The following FBXL7 variants were observed in gnomAD, a reference collection of about 807,000 sequenced individuals.
FBXL7 encodes F-box and leucine rich repeat protein 7, also known as F-box/LRR-repeat protein 7.
FBXL7 carries 12 observed loss-of-function variants against 38.3 expected under a neutral mutation model. The ratio of observed to expected loss-of-function variants is 0.31; its 90% CI spans 0.20 to 0.51. The LOEUF is 0.51. FBXL7 is among the 20% of genes least tolerant of loss of function. The pLI, the probability that FBXL7 is intolerant of heterozygous loss-of-function variation, is 0.98. For synonymous variants in FBXL7, 297 were observed against 300.9 expected, an observed-to-expected ratio of 0.99 and a Z score of 0.13; for missense variants, 567 against 676.4, an observed-to-expected ratio of 0.84 and a Z score of 1.79.
rs746917192 is a variant in FBXL7, at chr5:15,936,446, G to A, written c.740-4G>A. On this transcript the variant is annotated splice_polypyrimidine_tract_variant and splice_region_variant and intron_variant, in intron 3 of 3. Transcript: ENST00000504595. The surrounding 1 kb of genome is among the most constrained non-coding windows in gnomAD (Gnocchi z 6.0). ...CTGAGCCTGTGTTCTGTCTCTTTGTGCAGGATGCTCCAAAGTGACCTGCAT... is the reference window on the plus strand; with the variant it reads ...CTGAGCCTGTGTTCTGTCTCTTTGTACAGGATGCTCCAAAGTGACCTGCAT... 10 of 1,611,182 alleles carry A rather than the reference G, an allele frequency of 6.2e-6. No individual in the cohort carries two copies. The South Asian group carries it at 9.9e-5, about 16-fold the overall frequency.
At chr5:15,824,295 CA>C (rs57955989) in intron 2 of FBXL7, among the ~76,000 whole-genome samples, 2,725 of 122,852 alleles carry the variant, frequency 0.022, 77 homozygotes, top group African/African-American at 0.081. Flanking sequence ...GACTCCGTCT[CA>C]AAAAAAAAAA....
intron 2 of FBXL7, among the ~76,000 whole-genome samples, chr5:15,632,302 T>G (rs1292072172): frequency 6.6e-6 from 1 of 152,202 alleles, no homozygotes; most frequent in Non-Finnish European, 1.5e-5. Context: ...TTTTTTTATT[T>G]ATGAATATAT....
chr5:15,566,343 A>G (rs907864662), intron 1 of FBXL7, among the ~76,000 whole-genome samples: 10 of 152,140 alleles, frequency 6.6e-5, no homozygotes, highest in African/African-American at 2.2e-4. Flanking sequence ...CCTGCCTTTC[A>G]ATTATAAGTT....
chr5:15,905,663 G>T (rs1393031304), intron 2 of FBXL7, among the ~76,000 whole-genome samples: 1 of 152,146 alleles, frequency 6.6e-6, no homozygotes, highest in Admixed American at 6.6e-5. Flanking sequence ...TATGATGTCA[G>T]ACTGTTAACA....
chr5:15,865,237 A>G (rs1739654293), intron 2 of FBXL7, among the ~76,000 whole-genome samples: 1 of 152,140 alleles, frequency 6.6e-6, no homozygotes, highest in Non-Finnish European at 1.5e-5. Context: ...CCTGACTGAC[A>G]GCTCCATCTA....
intron 1 of FBXL7, among the ~76,000 whole-genome samples, chr5:15,573,828 T>G (rs1738871362): frequency 6.6e-6 from 1 of 152,198 alleles, no homozygotes; most frequent in African/African-American, 2.4e-5. Context: ...GTCCTTGACT[T>G]GTACTATCAT....
At chr5:15,842,107 G>T (rs749240570) in intron 2 of FBXL7, among the ~76,000 whole-genome samples, 4 of 152,214 alleles carry the variant, frequency 2.6e-5, no homozygotes, top group Non-Finnish European at 4.4e-5. Context: ...CGTGTGCCTG[G>T]AAAAGCCACA....
At chr5:15,729,621 A>T (rs1396301624) in intron 2 of FBXL7, among the ~76,000 whole-genome samples, 1 of 152,186 alleles carries the variant, frequency 6.6e-6, no homozygotes, top group Admixed American at 6.5e-5. Context: ...TATCTTTTTA[A>T]AGGCAGTGTT....
In FBXL7 at chr5:15,828,952, C is replaced by G. The variant is rs374586065; in HGVS notation, c.128-98938C>G. Among the ~76,000 whole-genome samples the G allele has an allele frequency of 2.0e-4, 30 of 152,274 alleles. 1 individual carries two copies. The South Asian group carries it at 6.2e-3, about 32-fold the overall frequency. The stretch of plus-strand genomic sequence containing the variant: ...TTTTGATTTCTGAAAAGTTATCTGG[C>G]CTTTAGGCTATTGGCATTTTTAATT... On this transcript the variant is annotated intron_variant, in intron 2 of 3. Transcript: ENST00000504595.
chr5:15,583,964 C>G (rs900887600), intron 1 of FBXL7, among the ~76,000 whole-genome samples: 3 of 152,190 alleles, frequency 2.0e-5, no homozygotes, highest in African/African-American at 7.2e-5. Flanking sequence ...GAGGATGATC[C>G]CAAACCTCAC....
At chr5:15,697,931 A>C (rs1211904825) in intron 2 of FBXL7, among the ~76,000 whole-genome samples, 2 of 152,250 alleles carry the variant, frequency 1.3e-5, no homozygotes, top group East Asian at 3.8e-4. Flanking sequence ...TTGTTATTAG[A>C]GTAGGATAGA....
chr5:15,786,388 A>T (rs1446333730), intron 2 of FBXL7, among the ~76,000 whole-genome samples: 1 of 152,102 alleles, frequency 6.6e-6, no homozygotes, highest in East Asian at 1.9e-4. Flanking sequence ...CACTGCCTGG[A>T]TTTCACTTAA....
intron 2 of FBXL7, among the ~76,000 whole-genome samples, chr5:15,862,913 C>T (rs1225091943): frequency 6.6e-6 from 1 of 152,220 alleles, no homozygotes; most frequent in Non-Finnish European, 1.5e-5. Context: ...ACATCCAAAA[C>T]CTGAGGCCAG....
intron 1 of FBXL7, among the ~76,000 whole-genome samples, chr5:15,546,779 G>A (rs913261664): frequency 3.9e-5 from 6 of 152,064 alleles, no homozygotes; most frequent in Non-Finnish European, 8.8e-5. Context: ...AATTACATAT[G>A]GGTCTCACAT....
chr5:15,821,063 CT>C (rs1188648898), intron 2 of FBXL7, among the ~76,000 whole-genome samples: 1 of 152,170 alleles, frequency 6.6e-6, no homozygotes, highest in African/African-American at 2.4e-5. Context: ...GCTTATTCAA[CT>C]TTGCTCCCCC....
intron 2 of FBXL7, among the ~76,000 whole-genome samples, chr5:15,790,853 T>A (rs1737255414): frequency 7.5e-6 from 1 of 132,712 alleles, no homozygotes; most frequent in Admixed American, 7.6e-5. Flanking sequence ...ATGAGCTTTC[T>A]ATGAGAATGG....
At chr5:15,886,881 A>G (rs1222073377) in intron 2 of FBXL7, among the ~76,000 whole-genome samples, 1 of 152,164 alleles carries the variant, frequency 6.6e-6, no homozygotes, top group Non-Finnish European at 1.5e-5. Context: ...TAACAACTAT[A>G]TTCTCCCCAA....
chr5:15,647,912 T>C (rs1163861157), intron 2 of FBXL7, among the ~76,000 whole-genome samples: 1 of 152,246 alleles, frequency 6.6e-6, no homozygotes, highest in Non-Finnish European at 1.5e-5. Context: ...AACTGGAACA[T>C]CTGTTACTTC....
At chr5:15,556,859 A>G (rs1323385329) in intron 1 of FBXL7, among the ~76,000 whole-genome samples, 1 of 152,188 alleles carries the variant, frequency 6.6e-6, no homozygotes, top group African/African-American at 2.4e-5. Context: ...AACAGCCACT[A>G]TCTTTTTTGT....
Sources: gnomAD v4.1 joint callset for allele counts (sites outside exome capture counted in the v4.1 genomes callset) on GRCh38, gnomAD v4.1.1 for gene constraint, Gnocchi (gnomAD v3.1) non-coding constraint, MANE v1.5 for transcripts, NCBI Gene and HGNC (gene_info 2026-07-23, HGNC 2026-07-21) for gene names.